Variants in XRCC5 observed in about 807,000 individuals in gnomAD.
XRCC5 encodes DNA repair protein Ku80.
In XRCC5, 12 loss-of-function variants were observed where a neutral mutation model predicts 95.7. That is an observed-to-expected ratio of 0.13 (90% CI 0.08 to 0.20). The LOEUF (loss-of-function observed/expected upper bound fraction) is 0.20, where lower values mean the gene tolerates loss of function less well. Ranked by LOEUF, XRCC5 falls within the 10% of genes least tolerant of loss-of-function variation. The pLI is 1.00. For synonymous variants in XRCC5, 281 were observed against 290.3 expected, an observed-to-expected ratio of 0.97 and a Z score of 0.33; for missense variants, 595 against 873.9, an observed-to-expected ratio of 0.68 and a Z score of 4.02.
At chr2:216,185,403 T>G (rs1039363328) in intron 16 of XRCC5, among the ~76,000 whole-genome samples, 3 of 152,216 alleles carry the variant, frequency 2.0e-5, no homozygotes, top group African/African-American at 7.2e-5. Flanking sequence ...TTGCCTCTGT[T>G]AAAACAGACT....
At chr2:216,156,640 G>A (rs559132954) in intron 14 of XRCC5, 17 of 557,880 alleles carry the variant, frequency 3.0e-5, no homozygotes, top group South Asian at 2.2e-4. Context: ...CCTACATATA[G>A]TGACCCCAAA....
At chr2:216,118,930 T>C in intron 4 of XRCC5, 113 bp from the exon 5 acceptor site, 1 of 1,111,668 alleles carries the variant, frequency 9.0e-7, no homozygotes. Context: ...TAATCACATT[T>C]ATTAACTCTA....
chr2:216,120,174 G>C (rs1696779525), intron 5 of XRCC5, among the ~76,000 whole-genome samples: 1 of 152,200 alleles, frequency 6.6e-6, no homozygotes, highest in Non-Finnish European at 1.5e-5. Flanking sequence ...GTACTTCAGA[G>C]AAATTAAGTG....
chr2:216,122,292 C>T (rs1403176226), intron 6 of XRCC5, 39 bp downstream of exon 6: 2 of 1,556,354 alleles, frequency 1.3e-6, no homozygotes, highest in Non-Finnish European at 1.7e-6. Flanking sequence ...TTTAATTGTA[C>T]CCACGTAAAT....
At chr2:216,158,207 A>G (rs1688883339) in intron 14 of XRCC5, among the ~76,000 whole-genome samples, 1 of 152,172 alleles carries the variant, frequency 6.6e-6, no homozygotes, top group South Asian at 2.1e-4. Flanking sequence ...ATATAAGCTA[A>G]TCTGTATTTG....
At position 216,189,048 on chromosome 2, in the gene XRCC5, G is replaced by C. The variant is rs41302514; in HGVS notation, c.1835-1177G>C. Reference sequence around the variant, plus strand: ...AGTTTTTTAATCCTTTCCACATGCTGTATGGTCCTTAGGAAATAAGTAGAT... The same window carrying C: ...AGTTTTTTAATCCTTTCCACATGCTCTATGGTCCTTAGGAAATAAGTAGAT... On this transcript the variant is annotated intron_variant, in intron 16 of 20. Coordinates refer to ENST00000392132, the MANE Select transcript of XRCC5 (RefSeq NM_021141.4). 2.6e-3 allele frequency among the ~76,000 whole-genome samples: 389 copies of C among 152,288 alleles called. 3 individuals carry two copies. Among genetic ancestry groups the C allele is most frequent in the African/African-American group, 8.6e-3 (357 of 41,558 alleles).
chr2:216,196,218 T>TTAAA (rs1359230567), intron 19 of XRCC5, among the ~76,000 whole-genome samples: 21 of 141,510 alleles, frequency 1.5e-4, no homozygotes, highest in African/African-American at 4.9e-4. Flanking sequence ...AGATTTTTGT[T>TTAAA]AAAAAAAAAA....
intron 20 of XRCC5, 86 bp downstream of exon 20, chr2:216,204,482 C>T (rs1225009213): frequency 7.7e-6 from 11 of 1,433,302 alleles, no homozygotes; most frequent in Non-Finnish European, 1.1e-5. Context: ...TTATCTTACA[C>T]TTGTTGCTTA....
chr2:216,140,278 T>G (rs571819190), intron 12 of XRCC5, among the ~76,000 whole-genome samples: 2 of 152,370 alleles, frequency 1.3e-5, no homozygotes, highest in East Asian at 3.9e-4. Context: ...AGAATAGAAG[T>G]ATAATGTACT....
chr2:216,120,528 TA>T (rs1323522144), intron 5 of XRCC5, among the ~76,000 whole-genome samples: 1 of 152,156 alleles, frequency 6.6e-6, no homozygotes, highest in Non-Finnish European at 1.5e-5. Context: ...GTAATTGGAC[TA>T]AAAAAATACC....
intron 14 of XRCC5, among the ~76,000 whole-genome samples, chr2:216,156,044 T>A (rs1688836120): frequency 6.6e-6 from 1 of 152,194 alleles, no homozygotes; most frequent in African/African-American, 2.4e-5. Flanking sequence ...TGATATAAAT[T>A]AAGCTACCAA....
rs1481990539 is a variant in XRCC5 at position 216,167,613 on chromosome 2, T to TGTGA, written c.1834+5566_1834+5567insTGAG. Among the ~76,000 whole-genome samples the TGTGA allele has an allele frequency of 5.4e-5, 7 of 129,720 alleles. No homozygotes were observed. In the East Asian group the frequency reaches 6.3e-4, roughly 12 times the overall value. 85.1% of individuals were successfully genotyped at this position (129,720 alleles called of 152,430 possible). ...GTGTGTGTGTGTGTGTGTGTGTGTG[T>TGTGA]GATTTTTTTTAATTGATCCTGATTC... On this transcript the variant is annotated intron_variant, in intron 16 of 20. Coordinates refer to ENST00000392132, the MANE Select transcript of XRCC5 (RefSeq NM_021141.4).
chr2:216,169,324 A>C (rs1332031632), intron 16 of XRCC5, among the ~76,000 whole-genome samples: 1 of 152,262 alleles, frequency 6.6e-6, no homozygotes, highest in African/African-American at 2.4e-5. Context: ...GACCCTGTAC[A>C]TCAAAAGGTC....
At chr2:216,153,386 A>G (rs207909) in intron 14 of XRCC5, among the ~76,000 whole-genome samples, 149,830 of 152,310 alleles carry the variant, frequency 0.98, 73,724 homozygotes, top group East Asian at 1. Context: ...TATTCTGTAG[A>G]ATTTGTCCTC....
intron 16 of XRCC5, among the ~76,000 whole-genome samples, chr2:216,172,013 A>G (rs1051741415): frequency 2.6e-5 from 4 of 152,202 alleles, no homozygotes; most frequent in African/African-American, 9.6e-5. Context: ...ACCTGTTCAT[A>G]GTCAGTTTGG....
chr2:216,132,311 T>C lies in XRCC5; in HGVS notation c.1051-14T>C, dbSNP rs868822744. On this transcript the variant is annotated splice_polypyrimidine_tract_variant and intron_variant, in intron 9 of 20. Transcript: ENST00000392132. ...TTATTTTGGATCAAAAGCAATTCTT[T>C]TCCTCTCTTGTAGGTTCAGAGAAGA... 4.3e-6 allele frequency: 7 copies of C among 1,613,184 alleles called. No homozygotes were observed. The Middle Eastern group carries it at 1.2e-3, about 266-fold the overall frequency.
At chr2:216,170,549 C>CA (rs1689144460) in intron 16 of XRCC5, among the ~76,000 whole-genome samples, 1 of 152,102 alleles carries the variant, frequency 6.6e-6, no homozygotes, top group South Asian at 2.1e-4. Flanking sequence ...CTCACTGTCA[C>CA]AAGAACAGCA....
chr2:216,135,020 T>C (rs1363378997), intron 10 of XRCC5, among the ~76,000 whole-genome samples: 3 of 152,216 alleles, frequency 2.0e-5, no homozygotes, highest in Admixed American at 2.0e-4. Flanking sequence ...AGCCTTTGAA[T>C]TGAACTGAAA....
intron 5 of XRCC5, 51 bp downstream of exon 5, chr2:216,119,216 T>C (rs1210698212): frequency 3.7e-6 from 6 of 1,603,558 alleles, no homozygotes; most frequent in East Asian, 2.2e-5. Context: ...TTTCCTAATA[T>C]AGTGAATGGG....
Sources: allele counts gnomAD v4.1 joint callset (sites outside exome capture counted in the v4.1 genomes callset), GRCh38; gene constraint gnomAD v4.1.1; transcripts MANE v1.5; gene names NCBI Gene and HGNC (gene_info 2026-07-23, HGNC 2026-07-21).